C12orf56: variants seen among roughly 807,000 people sequenced by gnomAD.
C12orf56 encodes chromosome 12 open reading frame 56.
Under a neutral mutation model 69.9 loss-of-function variants are expected in C12orf56, and 71 were observed. That is an observed-to-expected ratio of 1.02 (90% CI 0.84 to 1.24). The LOEUF is 1.24. Ranked by LOEUF, C12orf56 falls within the 50% of genes most tolerant of loss-of-function variation. The pLI is 0.00. For synonymous variants in C12orf56, 276 were observed against 274.1 expected (o/e 1.01, Z -0.07); for missense variants, 732 against 738.5 (o/e 0.99, Z 0.10).
chr12:64,299,322 A>G (rs925650118), intron 6 of C12orf56, among the ~76,000 whole-genome samples: 1 of 152,204 alleles, frequency 6.6e-6, no homozygotes, highest in Non-Finnish European at 1.5e-5. Flanking sequence ...CAATCATGTC[A>G]TCTGTGAACA....
At chr12:64,388,251 T>G (rs1046474709) in intron 1 of C12orf56, among the ~76,000 whole-genome samples, 3 of 149,740 alleles carry the variant, frequency 2.0e-5, no homozygotes, top group African/African-American at 7.4e-5. Flanking sequence ...TTTAAAGTGT[T>G]TTGTTTGTTT....
chr12:64,271,052 G>A (rs1347567000), intron 11 of C12orf56, among the ~76,000 whole-genome samples: 1 of 152,126 alleles, frequency 6.6e-6, no homozygotes, highest in Non-Finnish European at 1.5e-5. Context: ...TGTAATCCCA[G>A]CTACTCAGGA....
intron 6 of C12orf56, among the ~76,000 whole-genome samples, chr12:64,293,879 CA>C (rs1337356516): frequency 3.3e-5 from 5 of 152,068 alleles, no homozygotes; most frequent in African/African-American, 1.2e-4. Flanking sequence ...AACTGGTGGC[CA>C]AAGGGCACAA....
chr12:64,282,702 C>A (rs989155222), intron 8 of C12orf56, among the ~76,000 whole-genome samples: 5 of 150,398 alleles, frequency 3.3e-5, no homozygotes, highest in African/African-American at 1.2e-4. Context: ...CCAGGGAGGT[C>A]GAGGCTGCAG....
intron 1 of C12orf56, among the ~76,000 whole-genome samples, chr12:64,383,557 C>G (rs2039750003): frequency 6.6e-6 from 1 of 151,856 alleles, no homozygotes; most frequent in South Asian, 2.1e-4. Context: ...TTGTATTTGT[C>G]ATAGAAACGG....
intron 4 of C12orf56, 26 bp downstream of exon 4, chr12:64,318,549 T>C: frequency 1.4e-6 from 2 of 1,477,044 alleles, no homozygotes; most frequent in Non-Finnish European, 1.8e-6. Flanking sequence ...AAATTCAGGT[T>C]AAGGTTAACT....
intron 11 of C12orf56, among the ~76,000 whole-genome samples, chr12:64,272,999 T>C (rs983167404): frequency 2.6e-5 from 4 of 152,040 alleles, no homozygotes; most frequent in African/African-American, 7.2e-5. Context: ...TGCGTGTCCA[T>C]ATATGGAAAG....
chr12:64,311,602 C>A (rs868505952), intron 5 of C12orf56, among the ~76,000 whole-genome samples: 1 of 152,064 alleles, frequency 6.6e-6, no homozygotes, highest in Non-Finnish European at 1.5e-5. Context: ...GAAGAGGGGC[C>A]ATCATGATAG....
At chr12:64,336,715 GC>G (rs1344026750) in intron 2 of C12orf56, among the ~76,000 whole-genome samples, 6 of 152,178 alleles carry the variant, frequency 3.9e-5, no homozygotes, top group African/African-American at 1.4e-4. Context: ...ACACATTGTA[GC>G]TCTGAGTCCA....
chr12:64,281,320 T>C (rs1592415367), intron 8 of C12orf56, among the ~76,000 whole-genome samples: 1 of 149,466 alleles, frequency 6.7e-6, no homozygotes, highest in South Asian at 2.1e-4. Flanking sequence ...CCTATAATCC[T>C]AGCACTTTGG....
At chr12:64,344,474 C>T (rs183563189) in intron 2 of C12orf56, among the ~76,000 whole-genome samples, 1 of 152,322 alleles carries the variant, frequency 6.6e-6, no homozygotes, top group Non-Finnish European at 1.5e-5. Context: ...AATGCCACAA[C>T]TCTATGTGAG....
intron 1 of C12orf56, among the ~76,000 whole-genome samples, chr12:64,376,302 A>G (rs2039639171): frequency 6.6e-6 from 1 of 152,220 alleles, no homozygotes; most frequent in Admixed American, 6.5e-5. Context: ...CAGGATGCAG[A>G]AAATGCTTTC....
Position 64,333,436 on chromosome 12 carries a change from A to C in C12orf56, c.416-2404T>G, listed in dbSNP as rs142887295. ...GCGAAGTCATTAAAAAGTTGGAAAA[A>C]AAAAAACAACTTTAGTGTTCACGTC... On this transcript the variant is annotated intron_variant, in intron 2 of 12. Transcript: ENST00000543942. Among the ~76,000 whole-genome samples the C allele has an allele frequency of 3.2e-3, 485 of 152,230 alleles. 3 individuals carry two copies. Among genetic ancestry groups the C allele is most frequent in the African/African-American group, 0.011 (460 of 41,566 alleles).
intron 5 of C12orf56, among the ~76,000 whole-genome samples, chr12:64,304,434 C>A (rs994709387): frequency 6.6e-6 from 1 of 152,184 alleles, no homozygotes; most frequent in East Asian, 1.9e-4. Context: ...TACTGAACCA[C>A]GTGTCTTCCA....
intron 1 of C12orf56, among the ~76,000 whole-genome samples, chr12:64,379,927 C>CAAAAAAAAAAAA (rs200293677): frequency 1.1e-4 from 12 of 114,082 alleles, no homozygotes; most frequent in East Asian, 3.5e-4. Flanking sequence ...ACTAAAAATA[C>CAAAAAAAAAAAA]AAAAAAAAAA....
At chr12:64,315,111 C>T (rs977142439) in intron 4 of C12orf56, among the ~76,000 whole-genome samples, 1 of 151,150 alleles carries the variant, frequency 6.6e-6, no homozygotes, top group Admixed American at 6.6e-5. Flanking sequence ...ACCACCACGG[C>T]CAGCCAATTT....
intron 1 of C12orf56, among the ~76,000 whole-genome samples, chr12:64,374,186 G>A (rs1202180046): frequency 6.6e-6 from 1 of 152,182 alleles, no homozygotes; most frequent in Non-Finnish European, 1.5e-5. Flanking sequence ...ATTAGGCAGT[G>A]CCTCATCATA....
intron 1 of C12orf56, among the ~76,000 whole-genome samples, chr12:64,369,668 A>G (rs573259528): frequency 1.3e-5 from 2 of 152,284 alleles, no homozygotes; most frequent in Admixed American, 1.3e-4. Flanking sequence ...TATGGAAGCA[A>G]CATTTTTATA....
intron 5 of C12orf56, among the ~76,000 whole-genome samples, chr12:64,304,764 A>G (rs955530320): frequency 9.2e-5 from 14 of 152,134 alleles, no homozygotes; most frequent in African/African-American, 3.1e-4. Flanking sequence ...TCTTGGACTG[A>G]GCTGGCTCCA....
Sources: gnomAD v4.1 joint callset for allele counts (sites outside exome capture counted in the v4.1 genomes callset) on GRCh38, gnomAD v4.1.1 for gene constraint, MANE v1.5 for transcripts, NCBI Gene and HGNC (gene_info 2026-07-23, HGNC 2026-07-21) for gene names.